The following TSPAN15 variants were observed in gnomAD, a reference collection of about 807,000 sequenced individuals.
TSPAN15 encodes tetraspanin 15.
Under a neutral mutation model 34.5 loss-of-function variants are expected in TSPAN15, and 20 were observed. The observed-to-expected ratio is 0.58, with a 90% CI of 0.41 to 0.84. The LOEUF is 0.84. Ranked by LOEUF, TSPAN15 falls within the 40% of genes least tolerant of loss-of-function variation. The pLI, the probability that TSPAN15 is intolerant of heterozygous loss-of-function variation, is 0.00. For missense variants in TSPAN15, 313 were observed against 386.1 expected (o/e 0.81, Z 1.59); for synonymous variants, 155 against 153.9 (o/e 1.01, Z -0.05).
At chr10:69,471,358 G>C (rs1446449885) in intron 1 of TSPAN15, among the ~76,000 whole-genome samples, 2 of 152,138 alleles carry the variant, frequency 1.3e-5, no homozygotes, top group Non-Finnish European at 2.9e-5. Flanking sequence ...AGAGGCACCT[G>C]AACACTCGAT....
chr10:69,459,119 A>C (rs1239251274), intron 1 of TSPAN15, among the ~76,000 whole-genome samples: 1 of 93,812 alleles, frequency 1.1e-5, no homozygotes, highest in Admixed American at 1.1e-4. Flanking sequence ...AAAAAAAAAA[A>C]AAAAAACAAC....
chr10:69,467,609 G>A (rs1234546901), intron 1 of TSPAN15, among the ~76,000 whole-genome samples: 1 of 149,656 alleles, frequency 6.7e-6, no homozygotes, highest in Non-Finnish European at 1.5e-5. Context: ...GTGAGACCTT[G>A]TCTCCTCTAA....
chr10:69,516,657 T>C, the TSPAN15 span, among the ~76,000 whole-genome samples: 3 of 152,192 alleles, frequency 2.0e-5, no homozygotes, highest in Non-Finnish European at 4.4e-5. Flanking sequence ...TCTTAGCCCC[T>C]GCGAGGGCTC....
chr10:69,535,282 G>T, the TSPAN15 span, among the ~76,000 whole-genome samples: 1 of 152,084 alleles, frequency 6.6e-6, no homozygotes, highest in Admixed American at 6.5e-5. Flanking sequence ...AAGCCACAAA[G>T]GTTATGTCAA....
Position 69,451,569 on chromosome 10 carries a change from C to T in TSPAN15, c.-26C>T, listed in dbSNP as rs752357991. ...CCGAGCCGGAGAGCCCCGGAGCCCC[C>T]GTAACCCGCGCGGGGAGCGCCCAGG... On this transcript the variant is annotated 5_prime_UTR_variant, in exon 1 of 8. Transcript: ENST00000373290. The T allele has an allele frequency of 1.5e-5, 21 of 1,431,176 alleles. No homozygotes were observed. The highest frequency in any genetic ancestry group is 1.7e-5 in the Non-Finnish European group (19 of 1,089,092). The allele number at this position is 1,431,176 out of a possible 1,614,324, so 88.7% of individuals were successfully genotyped here.
chr10:69,463,118 G>A (rs2133071353), intron 1 of TSPAN15, among the ~76,000 whole-genome samples: 1 of 152,348 alleles, frequency 6.6e-6, no homozygotes, highest in East Asian at 1.9e-4. Context: ...TAAAGGCAAG[G>A]TTTCTATGCA....
chr10:69,485,573 C>T (rs1021552736), intron 3 of TSPAN15, among the ~76,000 whole-genome samples: 1 of 151,982 alleles, frequency 6.6e-6, no homozygotes, highest in Non-Finnish European at 1.5e-5. Flanking sequence ...AAGGTGAAGT[C>T]GAAAGGGCTG....
chr10:69,470,456 C>T (rs2133086015), intron 1 of TSPAN15, among the ~76,000 whole-genome samples: 1 of 152,290 alleles, frequency 6.6e-6, no homozygotes, highest in East Asian at 1.9e-4. Context: ...CTATTCCAGC[C>T]TCAAAATACA....
At chr10:69,531,690 A>G in the TSPAN15 span, among the ~76,000 whole-genome samples, 1 of 152,224 alleles carries the variant, frequency 6.6e-6, no homozygotes. Flanking sequence ...AGCATGCCAG[A>G]AAGATATACC....
At chr10:69,504,397 G>A (rs1202617453) in intron 5 of TSPAN15, 41 bp from the exon 6 acceptor site, 1 of 1,592,592 alleles carries the variant, frequency 6.3e-7, no homozygotes, top group East Asian at 2.2e-5. Context: ...TTTTGAGTTA[G>A]AACCATTATA....
chr10:69,488,527 C>T (rs1841902777), intron 3 of TSPAN15, among the ~76,000 whole-genome samples: 1 of 152,154 alleles, frequency 6.6e-6, no homozygotes, highest in African/African-American at 2.4e-5. Context: ...GGAACCCACC[C>T]CCAATATTTC....
chr10:69,525,532 T>A, the TSPAN15 span, among the ~76,000 whole-genome samples: 8,403 of 144,646 alleles, frequency 0.058, 894 homozygotes, highest in Non-Finnish European at 0.083. Context: ...AATTAAGTAT[T>A]CAACCTGGCC....
At chr10:69,488,722 C>A (rs1051293745) in intron 3 of TSPAN15, among the ~76,000 whole-genome samples, 5 of 152,008 alleles carry the variant, frequency 3.3e-5, no homozygotes, top group Admixed American at 3.3e-4. Context: ...GGAGGGGGTG[C>A]AAGAACAGGG....
chr10:69,512,385 A>G (rs980662440), downstream of TSPAN15, among the ~76,000 whole-genome samples: 3 of 152,246 alleles, frequency 2.0e-5, no homozygotes, highest in African/African-American at 7.2e-5. Context: ...AGGAAGACTG[A>G]TTTTGTATAA....
chr10:69,483,324 T>A (rs1324991202), intron 1 of TSPAN15, among the ~76,000 whole-genome samples: 10 of 152,130 alleles, frequency 6.6e-5, no homozygotes. Context: ...GTCTCTGGCT[T>A]GTAGACGCTG....
At chr10:69,503,573 A>T (rs538773808) in intron 5 of TSPAN15, among the ~76,000 whole-genome samples, 60 of 152,272 alleles carry the variant, frequency 3.9e-4, no homozygotes, top group African/African-American at 1.4e-3. Flanking sequence ...GCAGAGCAAG[A>T]TCTGGACCCA....
chr10:69,474,278 C>T lies in TSPAN15; in HGVS notation c.97-9413C>T, dbSNP rs1589633475. 2.0e-5 allele frequency among the ~76,000 whole-genome samples: 3 copies of T among 152,210 alleles called. 1 individual carries two copies. The Middle Eastern group carries it at 0.01, about 521-fold the overall frequency. ...GTGAGACCACAGGGCACTCCCATAC[C>T]CCTTCCCTGGAACTCCTCTTGCCCT... is the stretch of plus-strand genomic sequence containing the variant. On this transcript the variant is annotated intron_variant, in intron 1 of 7. Transcript: ENST00000373290.
chr10:69,466,352 C>T (rs1841384099), intron 1 of TSPAN15, among the ~76,000 whole-genome samples: 1 of 152,084 alleles, frequency 6.6e-6, no homozygotes, highest in African/African-American at 2.4e-5. Context: ...TTCCCGTCTG[C>T]AAAATCAGGG....
In TSPAN15 at chr10:69,507,230, C is replaced by T. The variant is rs1035358121; in HGVS notation, c.*252C>T. On this transcript the variant is annotated 3_prime_UTR_variant, in exon 8 of 8. Coordinates refer to ENST00000373290, the MANE Select transcript of TSPAN15 (RefSeq NM_012339.5). The stretch of plus-strand genomic sequence containing the variant: ...CACCTGGGGCCTGGGGAACAAGGCC[C>T]TCCTTTCTCCAGGCCTGGGCTACGG... 1.4e-6 allele frequency: 2 copies of T among 1,389,598 alleles called. No individual in the cohort carries two copies. The highest frequency in any genetic ancestry group is 3.2e-5 in the Admixed American group (1 of 31,072). The allele number at this position is 1,389,598 out of a possible 1,614,324, so 86.1% of individuals were successfully genotyped here.
Sources: gnomAD v4.1 joint callset for allele counts (sites outside exome capture counted in the v4.1 genomes callset) on GRCh38, gnomAD v4.1.1 for gene constraint, MANE v1.5 for transcripts, NCBI Gene and HGNC (gene_info 2026-07-23, HGNC 2026-07-21) for gene names.